The following MAP7 variants were observed in gnomAD, a reference collection of about 807,000 sequenced individuals.
MAP7 encodes the protein ensconsin.
In MAP7, 52 loss-of-function variants were observed where a neutral mutation model predicts 94.8. The observed-to-expected ratio is 0.55, with a 90% CI of 0.44 to 0.69. MAP7 has a LOEUF of 0.69. MAP7 is among the 30% of genes least tolerant of loss of function. MAP7 has a pLI of 0.00. For missense variants in MAP7, 940 were observed against 964.6 expected, an observed-to-expected ratio of 0.97 and a Z score of 0.34; for synonymous variants, 350 against 357.0, an observed-to-expected ratio of 0.98 and a Z score of 0.22.
At chr6:136,411,035 A>G (rs931936325) in intron 3 of MAP7, among the ~76,000 whole-genome samples, 1 of 152,208 alleles carries the variant, frequency 6.6e-6, no homozygotes, top group African/African-American at 2.4e-5. Flanking sequence ...TCCTTGCCCA[A>G]TGTTTTAGAA....
chr6:136,376,516 C>T (rs999099636), intron 7 of MAP7, among the ~76,000 whole-genome samples: 3 of 152,214 alleles, frequency 2.0e-5, no homozygotes, highest in African/African-American at 7.2e-5. Context: ...TCTCCTCCTC[C>T]AGGAAAACCT....
intron 1 of MAP7, among the ~76,000 whole-genome samples, chr6:136,433,625 AG>A (rs1795565819): frequency 6.6e-6 from 1 of 152,248 alleles, no homozygotes; most frequent in Non-Finnish European, 1.5e-5. Context: ...GAGGCTTAAA[AG>A]CAAGGTTTGT....
intron 3 of MAP7, among the ~76,000 whole-genome samples, chr6:136,407,326 G>C (rs1785929368): frequency 6.6e-6 from 1 of 152,214 alleles, no homozygotes; most frequent in Non-Finnish European, 1.5e-5. Flanking sequence ...AAATTCAGTA[G>C]TGTATAAAAC....
intron 7 of MAP7, among the ~76,000 whole-genome samples, chr6:136,373,091 G>A (rs527501905): frequency 3.3e-5 from 5 of 152,280 alleles, no homozygotes; most frequent in Admixed American, 6.5e-5. Flanking sequence ...GAGAGGAAGC[G>A]TGCAAGCAGG....
intron 6 of MAP7, among the ~76,000 whole-genome samples, chr6:136,379,035 T>C (rs965688372): frequency 8.5e-5 from 13 of 152,136 alleles, no homozygotes. Context: ...TAAAAGTCTT[T>C]AAAACTGTCT....
chr6:136,468,062 C>A (rs942212461), intron 1 of MAP7, among the ~76,000 whole-genome samples: 2 of 152,148 alleles, frequency 1.3e-5, no homozygotes, highest in African/African-American at 4.8e-5. Context: ...CCCAGCACCA[C>A]CCCTACAGCC....
chr6:136,502,358 T>C (rs1820053586), intron 1 of MAP7, among the ~76,000 whole-genome samples: 1 of 152,252 alleles, frequency 6.6e-6, no homozygotes, highest in Non-Finnish European at 1.5e-5. Context: ...ATAAGTATAC[T>C]ACATTCCTTT....
chr6:136,495,453 TACACACACACACAC>T (rs55923280), intron 1 of MAP7, among the ~76,000 whole-genome samples: 2 of 142,932 alleles, frequency 1.4e-5, no homozygotes, highest in African/African-American at 2.6e-5. Flanking sequence ...AGTGTGAGAA[TACACACACACACAC>T]ACACACACAC....
At chr6:136,398,374 T>C (rs1248820211) in intron 3 of MAP7, among the ~76,000 whole-genome samples, 1 of 152,214 alleles carries the variant, frequency 6.6e-6, no homozygotes, top group Admixed American at 6.5e-5. Context: ...GCCATGTACA[T>C]TGCAGGGATT....
intron 7 of MAP7, among the ~76,000 whole-genome samples, chr6:136,376,952 A>G (rs1776335937): frequency 6.6e-6 from 1 of 152,250 alleles, no homozygotes. Context: ...GACTGTTTAT[A>G]TAAATACACC....
intron 1 of MAP7, among the ~76,000 whole-genome samples, chr6:136,443,743 C>A (rs1582928001): frequency 6.6e-6 from 1 of 152,200 alleles, no homozygotes; most frequent in East Asian, 1.9e-4. Flanking sequence ...AGCCACCACG[C>A]CTGGCCCCCT....
chr6:136,424,826 GT>G (rs1471959694), intron 1 of MAP7, among the ~76,000 whole-genome samples: 21 of 152,320 alleles, frequency 1.4e-4, no homozygotes, highest in Non-Finnish European at 2.2e-4. Flanking sequence ...ACCATCCTGA[GT>G]TTAAATCTCA....
chr6:136,412,618 A>C (rs1352831126), intron 2 of MAP7, among the ~76,000 whole-genome samples: 1 of 152,144 alleles, frequency 6.6e-6, no homozygotes, highest in East Asian at 1.9e-4. Context: ...GCAAGTACCC[A>C]ATGTGTTCCA....
chr6:136,511,004 C>T (rs1823106821), intron 1 of MAP7, among the ~76,000 whole-genome samples: 1 of 151,846 alleles, frequency 6.6e-6, no homozygotes, highest in Admixed American at 6.6e-5. Context: ...GAAACAAGTC[C>T]CAGCATAAAC....
At chr6:136,413,611 CTTTTT>C (rs1326301232) in intron 2 of MAP7, among the ~76,000 whole-genome samples, 2 of 151,788 alleles carry the variant, frequency 1.3e-5, no homozygotes, top group Non-Finnish European at 2.9e-5. Flanking sequence ...TCCCAAATGT[CTTTTT>C]TTTATTTTTT....
rs149452923 is a variant in MAP7 at position 136,536,910 on chromosome 6, A to G, written c.67+13432T>C. Among the ~76,000 whole-genome samples the G allele has an allele frequency of 3.8e-3, 586 of 152,338 alleles. 1 individual carries two copies. The highest frequency in any genetic ancestry group is 5.5e-3 in the Admixed American group (84 of 15,300). ...TTGTACAAGTGGTTCAGAATGCCCAATTCACAGGTGTCTGAACTCCATACC... is the reference window on the plus strand; with the variant it reads ...TTGTACAAGTGGTTCAGAATGCCCAGTTCACAGGTGTCTGAACTCCATACC... On this transcript the variant is annotated intron_variant, in intron 1 of 17. Coordinates refer to ENST00000354570, the MANE Select transcript of MAP7 (RefSeq NM_003980.6).
At position 136,360,686 on chromosome 6, in the gene MAP7, G is replaced by A; in HGVS notation, c.1803+11C>T. The A allele has an allele frequency of 6.2e-7, 1 of 1,613,746 alleles. No homozygotes were observed. The highest frequency in any genetic ancestry group is 1.1e-5 in the South Asian group (1 of 91,072). On this transcript the variant is annotated intron_variant, in intron 13 of 17. Transcript: ENST00000354570. Reference sequence around the variant, plus strand: ...TTCGCGTCCCGGGCCTCTCTACTAAGACGCAGCTACCTTCTTTCTCTCCAG... The same window carrying A: ...TTCGCGTCCCGGGCCTCTCTACTAAAACGCAGCTACCTTCTTTCTCTCCAG...
intron 16 of MAP7, among the ~76,000 whole-genome samples, chr6:136,348,498 A>G (rs991607385): frequency 6.6e-6 from 1 of 152,218 alleles, no homozygotes; most frequent in Admixed American, 6.5e-5. Context: ...TAAGAGCACC[A>G]GCTTCTGAAT....
At chr6:136,436,381 AT>A (rs67758451) in intron 1 of MAP7, among the ~76,000 whole-genome samples, 12,303 of 143,864 alleles carry the variant, frequency 0.086, 1,036 homozygotes, top group East Asian at 0.23. Context: ...CTAAAAGATG[AT>A]TTTTTTTTTT....
Sources: gnomAD v4.1 joint callset for allele counts (sites outside exome capture counted in the v4.1 genomes callset) on GRCh38, gnomAD v4.1.1 for gene constraint, MANE v1.5 for transcripts, NCBI Gene and HGNC (gene_info 2026-07-23, HGNC 2026-07-21) for gene names.